FZD3: variants seen among roughly 807,000 people sequenced by gnomAD.
The protein encoded by FZD3 is frizzled class receptor 3.
FZD3 carries 30 observed loss-of-function variants against 60.7 expected under a neutral mutation model. The ratio of observed to expected loss-of-function variants is 0.49; its 90% confidence interval spans 0.37 to 0.67. The LOEUF is 0.67. Among genes scored for constraint, FZD3 ranks in the 30% least tolerant of loss-of-function variants. The pLI, the probability that FZD3 is intolerant of heterozygous loss-of-function variation, is 0.00. For synonymous variants in FZD3, 246 were observed against 275.2 expected (o/e 0.89, Z 1.05); for missense variants, 605 against 838.7 (o/e 0.72, Z 3.44).
At chr8:28,528,821 G>T (rs1804788010) in intron 5 of FZD3, among the ~76,000 whole-genome samples, 1 of 152,140 alleles carries the variant, frequency 6.6e-6, no homozygotes, top group Admixed American at 6.6e-5. Context: ...TTTAGTCTTA[G>T]ATAAATGTAG....
rs1038636129 is a variant in FZD3, at chr8:28,565,525, A to C, written c.*2514A>C. The C allele has an allele frequency of 6.6e-6, 1 of 152,196 alleles. No individual in the cohort carries two copies. Among genetic ancestry groups the C allele is most frequent in the Non-Finnish European group, 1.5e-5 (1 of 68,004 alleles). The allele number at this position is 152,196 out of a possible 1,614,324, so 9.4% of individuals were successfully genotyped here. ...CCATTGCCATCTGCATTATATTATCAACTGCCAAAATGTTAATTGGTTTTC... is the reference window on the plus strand; with the variant it reads ...CCATTGCCATCTGCATTATATTATCCACTGCCAAAATGTTAATTGGTTTTC... On this transcript the variant is annotated 3_prime_UTR_variant, in exon 8 of 8. Transcript: ENST00000240093.
intron 2 of FZD3, among the ~76,000 whole-genome samples, chr8:28,502,221 A>G (rs531383336): frequency 2.8e-4 from 42 of 152,296 alleles, no homozygotes; most frequent in African/African-American, 9.4e-4. Context: ...GACCACTTTC[A>G]CAGATGCCTT....
rs1048834811 is a variant in FZD3, at chr8:28,570,891, C to A, written c.*7880C>A. 1 of 151,692 alleles carries A rather than the reference C, an allele frequency of 6.6e-6. No homozygotes were observed. The highest frequency in any genetic ancestry group is 1.5e-5 in the Non-Finnish European group (1 of 67,986). The allele number at this position is 151,692 out of a possible 1,614,324, so 9.4% of individuals were successfully genotyped here. ...AGGTATACTGGTTTCTGGTGTGATTCTTTAGCTACATTTATTCCTTGTCTT... is the reference window on the plus strand; with the variant it reads ...AGGTATACTGGTTTCTGGTGTGATTATTTAGCTACATTTATTCCTTGTCTT... On this transcript the variant is annotated 3_prime_UTR_variant, in exon 8 of 8. Coordinates refer to ENST00000240093, the MANE Select transcript of FZD3 (RefSeq NM_017412.4).
chr8:28,555,858 C>T lies in FZD3; in HGVS notation c.1674C>T (p.Thr558=), dbSNP rs62001924. 2.4e-3 allele frequency: 3,909 copies of T among 1,613,312 alleles called. 99 individuals carry two copies. The African/African-American group carries it at 0.046, about 19-fold the overall frequency. ...GAACTTCCACTCAAGGAACATCCAC[C>T]CATGCTTCTTCAACTCAGCTGGCTA... ...SRGTSTQGTS[T]HASSTQLAMV... The change falls in exon 7 of 8, where the codon ACC becomes ACT. Residue 558 remains threonine (T), a synonymous_variant. Coordinates refer to ENST00000240093, the MANE Select transcript of FZD3 (RefSeq NM_017412.4).
At chr8:28,557,071 T>G (rs1479508364) in intron 7 of FZD3, among the ~76,000 whole-genome samples, 1 of 152,082 alleles carries the variant, frequency 6.6e-6, no homozygotes, top group Non-Finnish European at 1.5e-5. Context: ...TAGCCGGGTG[T>G]TGTGGCAGGC....
rs561026234 is a variant in FZD3, at chr8:28,568,677, A to G, written c.*5666A>G. 1 of 152,298 alleles carries G rather than the reference A, an allele frequency of 6.6e-6. No individual in the cohort carries two copies. Among genetic ancestry groups the G allele is most frequent in the East Asian group, 1.9e-4 (1 of 5,190 alleles). The allele number at this position is 152,298 out of a possible 1,614,324, so 9.4% of individuals were successfully genotyped here. A position where few individuals can be genotyped will look rare whatever the true frequency, so the allele number is the denominator to read the frequency against. On this transcript the variant is annotated 3_prime_UTR_variant, in exon 8 of 8. Coordinates refer to ENST00000240093, the MANE Select transcript of FZD3 (RefSeq NM_017412.4). ...CTTATTCTGTGATCTCTAATTAGAA[A>G]GTAAAATTCTGTTGCCATAAATATA...
intron 1 of FZD3, among the ~76,000 whole-genome samples, chr8:28,497,158 G>C (rs757509797): frequency 6.6e-6 from 1 of 152,210 alleles, no homozygotes; most frequent in African/African-American, 2.4e-5. Flanking sequence ...TTTCCTCTGT[G>C]TGTGTGTTTT....
chr8:28,498,704 G>C (rs1452125925), intron 1 of FZD3, among the ~76,000 whole-genome samples: 1 of 152,120 alleles, frequency 6.6e-6, no homozygotes, highest in African/African-American at 2.4e-5. Flanking sequence ...CTCCTGAATA[G>C]CTGGGCCTAC....
intron 5 of FZD3, among the ~76,000 whole-genome samples, chr8:28,531,234 G>T (rs1804867150): frequency 6.6e-6 from 1 of 151,622 alleles, no homozygotes; most frequent in Non-Finnish European, 1.5e-5. Flanking sequence ...CATAAAATTT[G>T]CTGTTATGCA....
At chr8:28,511,088 A>C (rs890616453) in intron 3 of FZD3, among the ~76,000 whole-genome samples, 2 of 151,970 alleles carry the variant, frequency 1.3e-5, no homozygotes, top group Non-Finnish European at 2.9e-5. Context: ...GCGGTGGCTC[A>C]TGCCTGTAAT....
Position 28,531,671 on chromosome 8 carries a change from A to G in FZD3, c.1404+3507A>G, listed in dbSNP as rs60553458. On this transcript the variant is annotated intron_variant, in intron 5 of 7. Coordinates refer to ENST00000240093, the MANE Select transcript of FZD3 (RefSeq NM_017412.4). ...TAATATCTCAATTCTGTAGTAATTT[A>G]CCTTTTCCTTATTATACGTAAGGTT... Among the ~76,000 whole-genome samples, 706 of 152,272 alleles carry G rather than the reference A, an allele frequency of 4.6e-3. 24 individuals are homozygous for G. The East Asian group carries it at 0.089, about 19-fold the overall frequency.
In FZD3 at chr8:28,528,100, G is replaced by A. The variant is rs752575152; in HGVS notation, c.1340G>A (p.Gly447Asp). ...TACTTTTATGAGCAAGCTTACCGGG[G>A]CATCTGGGAAACAACGTGGATACAA... ...GCYFYEQAYR[G>D]IWETTWIQER... Residue 447 changes from glycine (G) to aspartate (D), a missense_variant, in exon 5 of 8, where the codon GGC (glycine) becomes GAC (aspartate). Gly to Asp is a moderately conservative substitution (Grantham distance 94). Transcript: ENST00000240093. 2 of 1,613,842 alleles carry A rather than the reference G, an allele frequency of 1.2e-6. No individual in the cohort carries two copies. Among genetic ancestry groups the A allele is most frequent in the Non-Finnish European group, 1.7e-6 (2 of 1,179,832 alleles).
At chr8:28,550,156 CTGTT>C (rs1280824474) in intron 5 of FZD3, among the ~76,000 whole-genome samples, 4 of 152,032 alleles carry the variant, frequency 2.6e-5, no homozygotes, top group Admixed American at 6.5e-5. Flanking sequence ...GAGGAGGTGG[CTGTT>C]TGACAACTTT....
chr8:28,520,241 A>G (rs1423437023), intron 3 of FZD3, among the ~76,000 whole-genome samples: 40 of 150,560 alleles, frequency 2.7e-4, no homozygotes, highest in African/African-American at 5.9e-4. Flanking sequence ...AAAAAGGAAG[A>G]AAGAAAGAAA....
intron 5 of FZD3, among the ~76,000 whole-genome samples, chr8:28,548,470 T>G (rs1290078310): frequency 1.3e-5 from 2 of 152,158 alleles, no homozygotes; most frequent in Non-Finnish European, 2.9e-5. Flanking sequence ...CTGGCCTGAA[T>G]TTTTGATCTT....
Position 28,495,904 on chromosome 8 carries a change from C to T in FZD3, c.-391+1561C>T, listed in dbSNP as rs549675179. On this transcript the variant is annotated intron_variant, in intron 1 of 7. Transcript: ENST00000240093. ...AAAATAAGTAAATTACTGGTAAAGCCTATCATTCTACCCTCTCTTTCCTCC... is the reference window on the plus strand; with the variant it reads ...AAAATAAGTAAATTACTGGTAAAGCTTATCATTCTACCCTCTCTTTCCTCC... 4.3e-4 allele frequency among the ~76,000 whole-genome samples: 66 copies of T among 151,980 alleles called. 1 individual carries two copies. The South Asian group carries it at 0.013, about 30-fold the overall frequency.
intron 5 of FZD3, among the ~76,000 whole-genome samples, chr8:28,545,133 G>A (rs1276458943): frequency 2.6e-5 from 4 of 152,190 alleles, no homozygotes; most frequent in South Asian, 2.1e-4. Flanking sequence ...GAGTTATGGA[G>A]GGGACAAACA....
intron 5 of FZD3, among the ~76,000 whole-genome samples, chr8:28,548,143 G>T (rs1410347238): frequency 2.0e-5 from 3 of 152,048 alleles, no homozygotes; most frequent in Non-Finnish European, 2.9e-5. Flanking sequence ...GTGAGCCACC[G>T]TGCCCAGCTC....
intron 5 of FZD3, among the ~76,000 whole-genome samples, chr8:28,547,997 C>T (rs1383456536): frequency 2.0e-5 from 3 of 151,900 alleles, no homozygotes; most frequent in Non-Finnish European, 4.4e-5. Context: ...GGACTACAGG[C>T]GCCCACCATC....
Sources: allele counts gnomAD v4.1 joint callset (sites outside exome capture counted in the v4.1 genomes callset), GRCh38; gene constraint gnomAD v4.1.1; transcripts MANE v1.5; gene names NCBI Gene and HGNC (gene_info 2026-07-23, HGNC 2026-07-21).